Variants in PDE10A observed in about 807,000 individuals in gnomAD.
PDE10A encodes cAMP and cAMP-inhibited cGMP 3',5'-cyclic phosphodiesterase 10A.
In PDE10A, 39 loss-of-function variants were observed where a neutral mutation model predicts 97.7. That is an observed-to-expected ratio of 0.40 (90% CI 0.31 to 0.52). The LOEUF is 0.52. Ranked by LOEUF, PDE10A falls within the 20% of genes least tolerant of loss-of-function variation. The pLI is 0.56. For synonymous variants in PDE10A, 371 were observed against 376.8 expected, an observed-to-expected ratio of 0.98 and a Z score of 0.18; for missense variants, 731 against 1,047.8, an observed-to-expected ratio of 0.70 and a Z score of 4.17.
chr6:165,687,098 G>A (rs1791142189), intron 1 of PDE10A, among the ~76,000 whole-genome samples: 1 of 152,252 alleles, frequency 6.6e-6, no homozygotes, highest in Admixed American at 6.5e-5. Flanking sequence ...CTGAGAGCAT[G>A]GCTGCTTCCC....
intron 2 of PDE10A, among the ~76,000 whole-genome samples, chr6:165,540,544 C>T (rs970792193): frequency 3.1e-4 from 47 of 152,318 alleles, no homozygotes; most frequent in African/African-American, 9.9e-4. Flanking sequence ...AATGAAAACA[C>T]TCCCTGAAAA....
At chr6:165,944,073 G>T (rs1231511994) in intron 1 of PDE10A, among the ~76,000 whole-genome samples, 5 of 152,178 alleles carry the variant, frequency 3.3e-5, no homozygotes, top group African/African-American at 4.8e-5. Context: ...TGGTGAAAGG[G>T]GAAGCAAATG....
At chr6:165,619,499 C>CTAGTATAGTGTAGTCCAGTG (rs1787989162) in intron 1 of PDE10A, among the ~76,000 whole-genome samples, 11 of 17,020 alleles carry the variant, frequency 6.5e-4, no homozygotes, top group East Asian at 2.6e-3. Flanking sequence ...CTAGTGTAGT[C>CTAGTATAGTGTAGTCCAGTG]TAGTGTAGTG....
At chr6:165,451,307 G>T (rs1421333327) in intron 3 of PDE10A, among the ~76,000 whole-genome samples, 1 of 152,150 alleles carries the variant, frequency 6.6e-6, no homozygotes, top group Non-Finnish European at 1.5e-5. Flanking sequence ...GCTATAATGT[G>T]TCTTCTCTAA....
chr6:165,843,598 C>A (rs1448336458), intron 1 of PDE10A, among the ~76,000 whole-genome samples: 4 of 152,150 alleles, frequency 2.6e-5, no homozygotes, highest in African/African-American at 9.7e-5. Flanking sequence ...AGCCTCCTTT[C>A]CACGGACACC....
intron 18 of PDE10A, among the ~76,000 whole-genome samples, chr6:165,362,017 T>A (rs1205847288): frequency 6.6e-6 from 1 of 152,078 alleles, no homozygotes; most frequent in Non-Finnish European, 1.5e-5. Flanking sequence ...ACACAATATA[T>A]CAAAGCTCAT....
At chr6:165,416,452 A>T (rs529254962) in intron 11 of PDE10A, among the ~76,000 whole-genome samples, 171 bp from the exon 12 acceptor site, 1 of 152,362 alleles carries the variant, frequency 6.6e-6, no homozygotes, top group African/African-American at 2.4e-5. Flanking sequence ...GTAAAAATAA[A>T]GCAGAAAACC....
At chr6:165,809,448 CA>C (rs1215296222) in intron 1 of PDE10A, among the ~76,000 whole-genome samples, 3 of 152,210 alleles carry the variant, frequency 2.0e-5, no homozygotes, top group African/African-American at 7.2e-5. Context: ...CTCCACTCAG[CA>C]TGCTTTGGAG....
chr6:165,593,387 T>G (rs1043213375), intron 1 of PDE10A, among the ~76,000 whole-genome samples: 3 of 152,070 alleles, frequency 2.0e-5, no homozygotes, highest in African/African-American at 7.2e-5. Context: ...AAGGTACATG[T>G]ATACCTATAT....
At position 165,636,218 on chromosome 6, in the gene PDE10A, C is replaced by T. The variant is rs778118065; in HGVS notation, c.865+25729G>A. Among the ~76,000 whole-genome samples the T allele has an allele frequency of 6.6e-5, 10 of 152,292 alleles. No homozygotes were observed. In the South Asian group the frequency reaches 2.1e-3, roughly 32 times the overall value. On this transcript the variant is annotated intron_variant, in intron 1 of 21. Coordinates refer to ENST00000539869, the MANE Select transcript of PDE10A (RefSeq NM_001385079.1). ...AGGGTAAACCCTGGGAAGTAGACCT[C>T]AAGTGCTCACCTCAACACACTTTAT... is the stretch of plus-strand genomic sequence containing the variant.
intron 1 of PDE10A, among the ~76,000 whole-genome samples, chr6:165,591,472 G>A (rs773148861): frequency 1.2e-4 from 18 of 152,048 alleles, no homozygotes; most frequent in African/African-American, 3.1e-4. Context: ...TGTCAGTCCC[G>A]GCTGCCATCT....
chr6:165,499,104 G>C (rs1185664077), intron 2 of PDE10A, among the ~76,000 whole-genome samples: 1 of 152,154 alleles, frequency 6.6e-6, no homozygotes, highest in Non-Finnish European at 1.5e-5. Context: ...TAAAAATAAT[G>C]AGTGGTTCTC....
At chr6:165,663,885 T>C (rs1790421354), upstream of PDE10A, among the ~76,000 whole-genome samples, 1 of 152,168 alleles carries the variant, frequency 6.6e-6, no homozygotes, top group African/African-American at 2.4e-5. Flanking sequence ...TCCAGGCAGT[T>C]GCCACTGAAG....
intron 1 of PDE10A, among the ~76,000 whole-genome samples, chr6:165,546,063 G>A (rs572457350): frequency 4.6e-5 from 7 of 152,062 alleles, no homozygotes; most frequent in Non-Finnish European, 7.4e-5. Flanking sequence ...ACATCCATAC[G>A]ACTAAATATT....
At chr6:165,875,746 T>G (rs2280557) in intron 1 of PDE10A, among the ~76,000 whole-genome samples, 1,579 of 147,050 alleles carry the variant, frequency 0.011, 17 homozygotes, top group African/African-American at 0.028. Flanking sequence ...TTTTTTTTTT[T>G]TGTGTGTGTG....
intron 1 of PDE10A, among the ~76,000 whole-genome samples, chr6:165,829,571 C>G (rs905034679): frequency 1.3e-5 from 2 of 152,182 alleles, no homozygotes; most frequent in Non-Finnish European, 2.9e-5. Context: ...AATGTGGTGC[C>G]TAAAGTGCAG....
chr6:165,656,612 C>T (rs1245749788), intron 1 of PDE10A, among the ~76,000 whole-genome samples: 3 of 152,054 alleles, frequency 2.0e-5, no homozygotes, highest in Non-Finnish European at 4.4e-5. Context: ...CTAAGTAATC[C>T]TCTCTCCTGT....
chr6:165,892,620 T>G (rs1427506165), intron 1 of PDE10A, among the ~76,000 whole-genome samples: 1 of 152,150 alleles, frequency 6.6e-6, no homozygotes, highest in South Asian at 2.1e-4. Context: ...TAGAGCTCCA[T>G]GTTTGTGTTC....
chr6:165,921,609 G>A (rs1005708240), intron 1 of PDE10A, among the ~76,000 whole-genome samples: 1 of 152,130 alleles, frequency 6.6e-6, no homozygotes, highest in African/African-American at 2.4e-5. Context: ...GTAACATTTG[G>A]GCACAGATCA....
Sources: allele counts gnomAD v4.1 joint callset (sites outside exome capture counted in the v4.1 genomes callset), GRCh38; gene constraint gnomAD v4.1.1; transcripts MANE v1.5; gene names NCBI Gene and HGNC (gene_info 2026-07-23, HGNC 2026-07-21).